Variants in SMIM35 observed in about 807,000 individuals in gnomAD.
SMIM35 encodes the protein small integral membrane protein 35.
chr11:118,006,483 G>C (rs1445445970), intron 4 of SMIM35, 107 bp from the exon 5 acceptor site: 1 of 152,180 alleles, frequency 6.6e-6, no homozygotes, highest in African/African-American at 2.4e-5. Flanking sequence ...AGGCTCCTGG[G>C]CAGCAAAAAC....
At chr11:118,044,141 T>C (rs1230148877) in intron 1 of SMIM35, among the ~76,000 whole-genome samples, 1 of 152,044 alleles carries the variant, frequency 6.6e-6, no homozygotes. Flanking sequence ...TGCATTGAAA[T>C]GCATTTTCTA....
intron 1 of SMIM35, among the ~76,000 whole-genome samples, chr11:118,020,515 A>G (rs181014000): frequency 1.9e-4 from 29 of 152,328 alleles, no homozygotes; most frequent in African/African-American, 6.0e-4. Context: ...ACTTACAAGT[A>G]TGGCAAATGT....
At chr11:118,037,181 C>T (rs2058365892) in intron 1 of SMIM35, among the ~76,000 whole-genome samples, 1 of 152,210 alleles carries the variant, frequency 6.6e-6, no homozygotes, top group Non-Finnish European at 1.5e-5. Context: ...TCCTGCTGAA[C>T]TGGGGTGTAG....
intron 1 of SMIM35, among the ~76,000 whole-genome samples, chr11:118,075,631 G>GGTT (rs3834460): frequency 0.58 from 88,571 of 151,640 alleles, 26,158 homozygotes; most frequent in Admixed American, 0.63. Context: ...AAAATATTGG[G>GGTT]GTTGTTGTTG....
chr11:118,023,260 C>T (rs1363401018), intron 1 of SMIM35, among the ~76,000 whole-genome samples: 1 of 151,926 alleles, frequency 6.6e-6, no homozygotes, highest in Non-Finnish European at 1.5e-5. Flanking sequence ...AGTTATTTAA[C>T]CACCAAAAGC....
intron 1 of SMIM35, among the ~76,000 whole-genome samples, chr11:118,031,424 G>GC (rs2135057579): frequency 6.6e-6 from 1 of 152,232 alleles, no homozygotes; most frequent in African/African-American, 2.4e-5. Flanking sequence ...ATCTTTCTGT[G>GC]CCACAGCAAC....
At chr11:118,060,993 G>T (rs182166542) in intron 1 of SMIM35, among the ~76,000 whole-genome samples, 3 of 152,366 alleles carry the variant, frequency 2.0e-5, no homozygotes, top group Non-Finnish European at 2.9e-5. Context: ...CTGGTTGCAG[G>T]TTGAGGAACT....
At chr11:118,010,561 T>C (rs1299645454) in intron 4 of SMIM35, among the ~76,000 whole-genome samples, 3 of 152,152 alleles carry the variant, frequency 2.0e-5, no homozygotes, top group South Asian at 2.1e-4. Flanking sequence ...TTCAGCCTGG[T>C]TGAGGAACAG....
At chr11:118,071,315 G>A (rs1170935621) in intron 1 of SMIM35, among the ~76,000 whole-genome samples, 1 of 152,200 alleles carries the variant, frequency 6.6e-6, no homozygotes, top group Non-Finnish European at 1.5e-5. Context: ...CAATTGCCTC[G>A]ATTCTTTGGT....
At chr11:118,025,846 C>T (rs1018225816) in intron 1 of SMIM35, 2 of 440,954 alleles carry the variant, frequency 4.5e-6, no homozygotes, top group Non-Finnish European at 9.0e-6. Flanking sequence ...CTTTTGGAAA[C>T]TTAGTCATAA....
At chr11:118,037,434 AGG>A in intron 1 of SMIM35, among the ~76,000 whole-genome samples, 1 of 152,284 alleles carries the variant, frequency 6.6e-6, no homozygotes, top group East Asian at 1.9e-4. Flanking sequence ...GGGAGAATCC[AGG>A]GCATCCATTG....
chr11:118,045,330 G>GCA (rs34102097), intron 1 of SMIM35, among the ~76,000 whole-genome samples: 15,871 of 146,040 alleles, frequency 0.11, 921 homozygotes, highest in Middle Eastern at 0.14. Context: ...ATACACACAT[G>GCA]CACACACACA....
chr11:118,023,944 A>C (rs943567800), intron 1 of SMIM35, among the ~76,000 whole-genome samples: 2 of 151,806 alleles, frequency 1.3e-5, no homozygotes, highest in Admixed American at 6.6e-5. Context: ...CTGAGGAAGG[A>C]GAATGCTTGA....
At chr11:118,034,288 A>G (rs1411671395) in intron 1 of SMIM35, among the ~76,000 whole-genome samples, 1 of 152,200 alleles carries the variant, frequency 6.6e-6, no homozygotes, top group African/African-American at 2.4e-5. Context: ...ACACACACAC[A>G]AAAAAAGAAA....
intron 3 of SMIM35, 36 bp downstream of exon 3, chr11:118,014,672 C>A: frequency 2.5e-6 from 1 of 398,896 alleles, no homozygotes; most frequent in Non-Finnish European, 4.4e-6. Flanking sequence ...TACCCCCAAC[C>A]CCCACCTCAC....
chr11:118,034,620 G>A (rs2058344724), intron 1 of SMIM35, among the ~76,000 whole-genome samples: 1 of 152,160 alleles, frequency 6.6e-6, no homozygotes, highest in East Asian at 1.9e-4. Context: ...GCTACTTGGA[G>A]AATCGCCTGG....
intron 1 of SMIM35, among the ~76,000 whole-genome samples, chr11:118,053,124 GGT>G (rs1944246071): frequency 6.6e-6 from 1 of 152,154 alleles, no homozygotes; most frequent in African/African-American, 2.4e-5. Flanking sequence ...TGGCCAACAT[GGT>G]GAAACCCCCA....
intron 1 of SMIM35, among the ~76,000 whole-genome samples, chr11:118,032,142 T>C (rs974950093): frequency 1.3e-5 from 2 of 152,102 alleles, no homozygotes; most frequent in African/African-American, 4.8e-5. Flanking sequence ...ATTGAGAAAA[T>C]GCTCCAGACT....
chr11:118,064,592 T>C (rs1944440873), intron 1 of SMIM35, among the ~76,000 whole-genome samples: 1 of 152,058 alleles, frequency 6.6e-6, no homozygotes, highest in Non-Finnish European at 1.5e-5. Context: ...CTTTTGTTAT[T>C]GTTATTTGTC....
Sources: allele counts gnomAD v4.1 joint callset (sites outside exome capture counted in the v4.1 genomes callset), GRCh38; gene constraint gnomAD v4.1.1; transcripts MANE v1.5; gene names NCBI Gene and HGNC (gene_info 2026-07-23, HGNC 2026-07-21).